Variants in DPP6 observed in about 807,000 individuals in gnomAD.
DPP6 encodes the protein A-type potassium channel modulatory protein DPP6.
A neutral mutation model predicts 122.6 loss-of-function variants in DPP6; 69 were observed. That is an observed-to-expected ratio of 0.56 (90% confidence interval 0.46 to 0.69). DPP6 has a LOEUF of 0.69. Ranked by LOEUF, DPP6 falls within the 30% of genes least tolerant of loss-of-function variation. DPP6 has a pLI of 0.00. For missense variants in DPP6, 928 were observed against 1,116.9 expected (o/e 0.83, Z 2.41); for synonymous variants, 418 against 433.1 (o/e 0.97, Z 0.43).
chr7:154,401,196 C>T (rs1349388498), intron 1 of DPP6, among the ~76,000 whole-genome samples: 2 of 142,498 alleles, frequency 1.4e-5, no homozygotes, highest in South Asian at 4.3e-4. Context: ...GACTCCATCT[C>T]AGAAAAAACA....
At position 154,534,743 on chromosome 7, in the gene DPP6, A is replaced by G. The variant is rs182798977; in HGVS notation, c.458-5789A>G. Among the ~76,000 whole-genome samples the G allele has an allele frequency of 5.2e-3, 799 of 152,306 alleles. 3 individuals are homozygous for G. The highest frequency in any genetic ancestry group is 8.2e-3 in the Non-Finnish European group (558 of 68,014). ...ATCTAAACAATTAGAGATATGTACT[A>G]TGTTCATGGATTGGAATAAGCAATA... is the stretch of plus-strand genomic sequence containing the variant. On this transcript the variant is annotated intron_variant, in intron 3 of 25. Transcript: ENST00000377770.
At chr7:154,158,171 A>G (rs1343008819) in intron 1 of DPP6, among the ~76,000 whole-genome samples, 2 of 149,920 alleles carry the variant, frequency 1.3e-5, no homozygotes, top group Non-Finnish European at 3.0e-5. Flanking sequence ...CAAGAGGTAC[A>G]ATATTACGTT....
the DPP6 span, among the ~76,000 whole-genome samples, chr7:153,757,392 T>C: frequency 6.6e-6 from 1 of 152,324 alleles, no homozygotes; most frequent in South Asian, 2.1e-4. Context: ...CCAAAAAAGC[T>C]GACAATTCAC....
chr7:154,252,408 A>T (rs954099824), intron 1 of DPP6, among the ~76,000 whole-genome samples: 4 of 152,230 alleles, frequency 2.6e-5, no homozygotes, highest in Admixed American at 6.5e-5. Flanking sequence ...CCTTGTTTAG[A>T]ACTGCTGGCT....
At position 154,271,770 on chromosome 7, in the gene DPP6, C is replaced by A. The variant is rs143883210; in HGVS notation, c.244-174444C>A. 7.9e-5 allele frequency among the ~76,000 whole-genome samples: 12 copies of A among 152,306 alleles called. No homozygotes were observed. The East Asian group carries it at 1.3e-3, about 17-fold the overall frequency. On this transcript the variant is annotated intron_variant, in intron 1 of 25. Coordinates refer to ENST00000377770, the MANE Select transcript of DPP6 (RefSeq NM_130797.4). ...TGCCACTCTCATCCAGGGACACAAA[C>A]ATTCTTGTCTCCAATATTGGATCTG...
chr7:154,593,215 C>T (rs932336222), intron 5 of DPP6, among the ~76,000 whole-genome samples: 3 of 152,230 alleles, frequency 2.0e-5, no homozygotes, highest in Non-Finnish European at 4.4e-5. Flanking sequence ...CAGTTTACCG[C>T]ACTCTGTGAG....
At chr7:154,082,846 C>CTTTCTTTCTTTT (rs1260484862) in intron 1 of DPP6, among the ~76,000 whole-genome samples, 1 of 106,276 alleles carries the variant, frequency 9.4e-6, no homozygotes, top group Admixed American at 9.3e-5. Context: ...TTTTCTTTTT[C>CTTTCTTTCTTTT]TTTTTTTTTT....
intron 1 of DPP6, among the ~76,000 whole-genome samples, chr7:154,101,438 A>G (rs952576683): frequency 6.7e-6 from 1 of 150,130 alleles, no homozygotes; most frequent in Non-Finnish European, 1.5e-5. Context: ...TTCAGCACAC[A>G]TCAGTACAAT....
At chr7:154,701,996 T>C (rs1840557715) in intron 7 of DPP6, among the ~76,000 whole-genome samples, 1 of 152,246 alleles carries the variant, frequency 6.6e-6, no homozygotes, top group South Asian at 2.1e-4. Context: ...GGACCATTTT[T>C]CCATCACATG....
At chr7:153,848,876 TGTC>T in the DPP6 span, among the ~76,000 whole-genome samples, 1 of 152,238 alleles carries the variant, frequency 6.6e-6, no homozygotes, top group Non-Finnish European at 1.5e-5. Context: ...CTTGTTCTAT[TGTC>T]ATACTTTCCA....
chr7:153,831,390 C>T, the DPP6 span, among the ~76,000 whole-genome samples: 1 of 152,116 alleles, frequency 6.6e-6, no homozygotes, highest in Non-Finnish European at 1.5e-5. Flanking sequence ...AAAGACCTCT[C>T]AGAGGAAGGA....
rs185072296 is a variant in DPP6 at position 154,851,511 on chromosome 7, G to C, written c.1667-2269G>C. 5.0e-3 allele frequency among the ~76,000 whole-genome samples: 762 copies of C among 152,120 alleles called. 4 individuals carry two copies. Among genetic ancestry groups the C allele is most frequent in the Non-Finnish European group, 7.9e-3 (539 of 67,986 alleles). On this transcript the variant is annotated intron_variant, in intron 16 of 25. Transcript: ENST00000377770. Reference sequence around the variant, plus strand: ...CTTTCTTCTACTTGAGCTCCCCATGGGGGGGAAATGAATCTTAGAGCCAAG... The same window carrying C: ...CTTTCTTCTACTTGAGCTCCCCATGCGGGGGAAATGAATCTTAGAGCCAAG...
chr7:154,786,366 G>A (rs1797334386), intron 10 of DPP6, among the ~76,000 whole-genome samples: 1 of 152,134 alleles, frequency 6.6e-6, no homozygotes, highest in Non-Finnish European at 1.5e-5. Context: ...GTTTGGCTAT[G>A]TCCCCACCCA....
chr7:153,937,341 C>T (rs1263150619), intron 1 of DPP6, among the ~76,000 whole-genome samples: 1 of 151,964 alleles, frequency 6.6e-6, no homozygotes, highest in Non-Finnish European at 1.5e-5. Flanking sequence ...ATCACCAAAA[C>T]AGATGAGTTG....
At chr7:153,995,477 T>A (rs1797379462) in intron 1 of DPP6, among the ~76,000 whole-genome samples, 1 of 150,370 alleles carries the variant, frequency 6.7e-6, no homozygotes, top group African/African-American at 2.5e-5. Context: ...TCTCAGCTAC[T>A]TGGAGAGAGG....
rs1362978492 is a variant in DPP6, at chr7:153,971,545, A to G, written c.51+83811A>G. On this transcript the variant is annotated intron_variant, in intron 1 of 25. Coordinates refer to the DPP6 transcript ENST00000404039. ...AGTGTTCAGTATTCATCCATTCAGT[A>G]TGTTACTTGTCAGTTTCTCATAGAT... 1.5e-5 allele frequency among the ~76,000 whole-genome samples: 2 copies of G among 135,428 alleles called. 1 individual carries two copies. Among genetic ancestry groups the G allele is most frequent in the Non-Finnish European group, 3.2e-5 (2 of 61,708 alleles). The allele number at this position is 135,428 out of a possible 152,430, so 88.8% of individuals were successfully genotyped here.
rs369823134 is a variant in DPP6 at position 154,188,294 on chromosome 7, C to A, written c.243+135231C>A. ...GAACTCTACTTTCAAGGGGATGAAA[C>A]AAGTGAAAAAAATACTTTCCCCCCC... On this transcript the variant is annotated intron_variant, in intron 1 of 25. Coordinates refer to ENST00000377770, the MANE Select transcript of DPP6 (RefSeq NM_130797.4). 2.0e-4 allele frequency among the ~76,000 whole-genome samples: 30 copies of A among 152,058 alleles called. 1 individual carries two copies. Among genetic ancestry groups the A allele is most frequent in the African/African-American group, 6.7e-4 (28 of 41,500 alleles).
At chr7:153,823,823 T>A in the DPP6 span, among the ~76,000 whole-genome samples, 1 of 152,088 alleles carries the variant, frequency 6.6e-6, no homozygotes, top group South Asian at 2.1e-4. Flanking sequence ...TGAGAAATAA[T>A]TATGTCTGTT....
intron 1 of DPP6, among the ~76,000 whole-genome samples, chr7:154,310,130 G>A (rs917727874): frequency 3.3e-5 from 5 of 152,208 alleles, no homozygotes; most frequent in Non-Finnish European, 5.9e-5. Context: ...ACAGAGAGCA[G>A]GTCCAGAACC....
Sources: gnomAD v4.1 joint callset for allele counts (sites outside exome capture counted in the v4.1 genomes callset) on GRCh38, gnomAD v4.1.1 for gene constraint, MANE v1.5 for transcripts, NCBI Gene and HGNC (gene_info 2026-07-23, HGNC 2026-07-21) for gene names.